Variants in RBM23 observed in about 807,000 individuals in gnomAD.
RBM23 encodes probable RNA-binding protein 23.
RBM23 carries 53 observed loss-of-function variants against 56.2 expected under a neutral mutation model. That is an observed-to-expected ratio of 0.94 (90% CI 0.76 to 1.19). The LOEUF (loss-of-function observed/expected upper bound fraction) is 1.19. Among genes scored for constraint, RBM23 ranks in the 50% most tolerant of loss-of-function variants. RBM23 has a pLI of 0.00. For missense variants in RBM23, 642 were observed against 590.3 expected (o/e 1.09, Z -0.91); for synonymous variants, 197 against 198.5 (o/e 0.99, Z 0.06).
rs984722111 is a variant in RBM23 at position 22,900,655 on chromosome 14, A to T, written c.*1075T>A. 2 of 152,186 alleles carry T rather than the reference A, an allele frequency of 1.3e-5. No homozygotes were observed. The highest frequency in any genetic ancestry group is 2.9e-5 in the Non-Finnish European group (2 of 68,040). The allele number at this position is 152,186 out of a possible 1,614,324, so 9.4% of individuals were successfully genotyped here. A position where few individuals can be genotyped will look rare whatever the true frequency, so the allele number is the denominator to read the frequency against. On this transcript the variant is annotated 3_prime_UTR_variant, in exon 14 of 14. Coordinates refer to ENST00000359890, the MANE Select transcript of RBM23 (RefSeq NM_001077351.2). Reference sequence around the variant, plus strand: ...AATAAATAAACACAATGATGTTACTAATGTTTTATATCCCTAGAAACATCA... The same window carrying T: ...AATAAATAAACACAATGATGTTACTTATGTTTTATATCCCTAGAAACATCA...
chr14:22,914,571 T>G (rs540065328), intron 1 of RBM23, among the ~76,000 whole-genome samples: 10 of 152,242 alleles, frequency 6.6e-5, no homozygotes, highest in African/African-American at 2.4e-4. Flanking sequence ...AGTGTACACT[T>G]TAATGTATAC....
rs1566505583 is a variant in RBM23, at chr14:22,896,988, T to C, written c.*4742A>G. The C allele has an allele frequency of 2.0e-5, 3 of 152,312 alleles. No homozygotes were observed. In the South Asian group the frequency reaches 6.2e-4, roughly 32 times the overall value. The allele number at this position is 152,312 out of a possible 1,614,324, so 9.4% of individuals were successfully genotyped here. ...CATGGAAACATCAGTCTCTGGTGGATGGCAAGCAGCACTTTAGAAAGAAAG... is the reference window on the plus strand; with the variant it reads ...CATGGAAACATCAGTCTCTGGTGGACGGCAAGCAGCACTTTAGAAAGAAAG... On this transcript the variant is annotated 3_prime_UTR_variant, in exon 14 of 14. Transcript: ENST00000359890.
In RBM23 at chr14:22,911,254, G is replaced by A. The variant is rs114890713; in HGVS notation, c.66+74C>T. The A allele has an allele frequency of 4.1e-3, 4,933 of 1,190,862 alleles. 155 individuals are homozygous for A. The African/African-American group carries it at 0.067, about 16-fold the overall frequency. The allele number at this position is 1,190,862 out of a possible 1,614,324, so 73.8% of individuals were successfully genotyped here. On this transcript the variant is annotated intron_variant, in intron 2 of 13. Coordinates refer to ENST00000359890, the MANE Select transcript of RBM23 (RefSeq NM_001077351.2). ...AGGGAAAGAGGATTCATAAAATGTT[G>A]AAAGTTGAAAGTGATGATCGACAAC...
chr14:22,901,487 T>C lies in RBM23; in HGVS notation c.*243A>G, dbSNP rs2138877772. 1 of 601,090 alleles carries C rather than the reference T, an allele frequency of 1.7e-6. No individual in the cohort carries two copies. Among genetic ancestry groups the C allele is most frequent in the Middle Eastern group, 4.5e-4 (1 of 2,218 alleles). The allele number at this position is 601,090 out of a possible 1,614,324, so 37.2% of individuals were successfully genotyped here. On this transcript the variant is annotated 3_prime_UTR_variant, in exon 14 of 14. Transcript: ENST00000359890. ...GACGATACACATGGAGAAACAGGTATTCAATGCAGGTGTGGATTCTGTTCT... is the reference window on the plus strand; with the variant it reads ...GACGATACACATGGAGAAACAGGTACTCAATGCAGGTGTGGATTCTGTTCT...
At chr14:22,918,946 C>T (rs967771517) in intron 1 of RBM23, 53 bp downstream of exon 1, 2 of 152,178 alleles carry the variant, frequency 1.3e-5, no homozygotes, top group Non-Finnish European at 2.9e-5. Flanking sequence ...CGCCGTGCAG[C>T]AACGTCACGC....
At chr14:22,903,394 A>G (rs1250657450) in intron 10 of RBM23, 10 of 985,394 alleles carry the variant, frequency 1.0e-5, no homozygotes, top group Non-Finnish European at 1.2e-5. Context: ...ACAGAGAGCG[A>G]GAAAAGGTTA....
intron 2 of RBM23, among the ~76,000 whole-genome samples, chr14:22,910,179 A>T (rs1409120739): frequency 4.7e-5 from 6 of 127,218 alleles, no homozygotes; most frequent in South Asian, 5.1e-4. Context: ...AAAAAAAAAG[A>T]GGCTGGGCGC....
intron 4 of RBM23, 89 bp from the exon 5 acceptor site, chr14:22,906,457 AC>A: frequency 1.4e-6 from 2 of 1,468,696 alleles, no homozygotes; most frequent in Non-Finnish European, 1.9e-6. Context: ...TAAGATTATA[AC>A]GGTGCTGAGA....
chr14:22,902,355 C>A lies in RBM23; in HGVS notation c.958G>T (p.Ala320Ser), dbSNP rs1306013348. 6.2e-7 allele frequency: 1 copy of A among 1,613,648 alleles called. No individual in the cohort carries two copies. ...TFSDSECARR[A>S]LEQLNGFELA... ...TCAAACCCATTCAACTGTTCCAGGG[C>A]CCGCCGGGCACACTCAGAATCAGAG... Residue 320 changes from alanine to serine, a missense_variant, in exon 11 of 14, where the codon GCC becomes TCC. Coordinates refer to ENST00000359890, the MANE Select transcript of RBM23 (RefSeq NM_001077351.2).
chr14:22,903,121 C>T (rs2040906963), intron 10 of RBM23: 3 of 985,336 alleles, frequency 3.0e-6, no homozygotes, highest in Non-Finnish European at 3.6e-6. Context: ...ACTCCTAATT[C>T]CAGGCTTAAG....
chr14:22,917,234 T>C (rs941879979), intron 1 of RBM23: 5 of 152,170 alleles, frequency 3.3e-5, no homozygotes, highest in African/African-American at 1.2e-4. Flanking sequence ...ACACAAATTT[T>C]CTGTTATGAA....
rs2040210618 is a variant in RBM23 at position 22,894,194 on chromosome 14, C to G, written c.*7536G>C. 1 of 152,220 alleles carries G rather than the reference C, an allele frequency of 6.6e-6. No homozygotes were observed. The allele number at this position is 152,220 out of a possible 1,614,324, so 9.4% of individuals were successfully genotyped here. On this transcript the variant is annotated 3_prime_UTR_variant, in exon 14 of 14. Coordinates refer to ENST00000359890, the MANE Select transcript of RBM23 (RefSeq NM_001077351.2). ...TTAGGCATCAAAGCAGCTTGCTAAA[C>G]TCTCAAAGCACAGCACCATTTGGAG...
chr14:22,907,493 G>A (rs2041775392), intron 4 of RBM23, among the ~76,000 whole-genome samples: 2 of 152,084 alleles, frequency 1.3e-5, no homozygotes, highest in Admixed American at 6.6e-5. Context: ...TTTAGGTCAA[G>A]GATAACTCAA....
chr14:22,912,678 T>C (rs1444979786), intron 1 of RBM23, among the ~76,000 whole-genome samples: 1 of 152,050 alleles, frequency 6.6e-6, no homozygotes, highest in Non-Finnish European at 1.5e-5. Flanking sequence ...AACAATTCCA[T>C]TTACATAAAA....
Position 22,919,112 on chromosome 14 carries a change from T to G in RBM23, c.-124A>C, listed in dbSNP as rs537553274. ...TAGGCAAGAAAAGCAGCACTGCAGG[T>G]ACAGAGCCTCCTCTTCCCGCAAAAT... On this transcript the variant is annotated 5_prime_UTR_variant, in exon 1 of 14. Coordinates refer to ENST00000359890, the MANE Select transcript of RBM23 (RefSeq NM_001077351.2). 1 of 152,306 alleles carries G rather than the reference T, an allele frequency of 6.6e-6. No individual in the cohort carries two copies. Among genetic ancestry groups the G allele is most frequent in the Admixed American group, 6.5e-5 (1 of 15,300 alleles). The allele number at this position is 152,306 out of a possible 1,614,324, so 9.4% of individuals were successfully genotyped here. A position where few individuals can be genotyped will look rare whatever the true frequency, so the allele number is the denominator to read the frequency against.
Position 22,905,134 on chromosome 14 carries a change from T to C in RBM23, c.686A>G (p.Gln229Arg). 10 of 1,614,136 alleles carry C rather than the reference T, an allele frequency of 6.2e-6. No homozygotes were observed. The highest frequency in any genetic ancestry group is 1.1e-5 in the South Asian group (1 of 91,078). The stretch of plus-strand genomic sequence containing the variant: ...AATGATAGGCACTCCCAGCAACCGC[T>C]GCCCAGTCAGCCCAATGGCCAGTGG... ...SVPLAIGLTG[Q>R]RLLGVPIIVQ... is the part of the protein sequence containing the mutation. The change falls in exon 8 of 14, where the codon CAG becomes CGG. Residue 229 changes from glutamine to arginine, a missense_variant. Coordinates refer to ENST00000359890, the MANE Select transcript of RBM23 (RefSeq NM_001077351.2).
Position 22,895,018 on chromosome 14 carries a change from C to T in RBM23, c.*6712G>A, listed in dbSNP as rs12897065. On this transcript the variant is annotated 3_prime_UTR_variant, in exon 14 of 14. Coordinates refer to ENST00000359890, the MANE Select transcript of RBM23 (RefSeq NM_001077351.2). Reference sequence around the variant, plus strand: ...TTGCGCCACTGCACTCCAGCCTGGGCGACAAAGCAAGACTCCATCTCAAAA... The same window carrying T: ...TTGCGCCACTGCACTCCAGCCTGGGTGACAAAGCAAGACTCCATCTCAAAA... 111,667 of 150,270 alleles carry T rather than the reference C, an allele frequency of 0.74. 41,799 individuals are homozygous for T. The highest frequency in any genetic ancestry group is 0.99 in the East Asian group (4,944 of 5,006). 9.3% of individuals were successfully genotyped at this position (150,270 alleles called of 1,614,324 possible).
At chr14:22,902,840 T>C (rs1026826187) in intron 10 of RBM23, 50 of 924,692 alleles carry the variant, frequency 5.4e-5, no homozygotes, top group Non-Finnish European at 6.2e-5. Flanking sequence ...AGTGGCACCA[T>C]GTCAGCTCAC....
chr14:22,918,644 A>G (rs1350211910), intron 1 of RBM23, among the ~76,000 whole-genome samples: 2 of 152,108 alleles, frequency 1.3e-5, no homozygotes, highest in East Asian at 3.9e-4. Context: ...GCTGAAACTG[A>G]TGATGCGTGT....
Sources: gnomAD v4.1 joint callset for allele counts (sites outside exome capture counted in the v4.1 genomes callset) on GRCh38, gnomAD v4.1.1 for gene constraint, MANE v1.5 for transcripts, NCBI Gene and HGNC (gene_info 2026-07-23, HGNC 2026-07-21) for gene names.